Variants in HEMK2 observed in about 807,000 individuals in gnomAD.
HEMK2 encodes the protein HemK methyltransferase 2, ETF1 glutamine and histone H4 lysine.
chr21:28,629,976 T>C, the HEMK2 span, among the ~76,000 whole-genome samples: 1 of 152,118 alleles, frequency 6.6e-6, no homozygotes, highest in Non-Finnish European at 1.5e-5. Context: ...AAAGATTTTA[T>C]TAAAGTAACA....
the HEMK2 span, among the ~76,000 whole-genome samples, chr21:28,690,648 A>T: frequency 6.6e-6 from 1 of 152,038 alleles, no homozygotes; most frequent in Non-Finnish European, 1.5e-5. Flanking sequence ...CCCAACTCAA[A>T]TGCAGCCACC....
the HEMK2 span, chr21:28,885,184 C>T: frequency 2.6e-6 from 4 of 1,530,606 alleles, no homozygotes; most frequent in Admixed American, 7.6e-5. Flanking sequence ...GCAACCCTTT[C>T]CCGTCAGAGC....
the HEMK2 span, among the ~76,000 whole-genome samples, chr21:28,746,483 C>A: frequency 0.98 from 149,092 of 152,312 alleles, 72,991 homozygotes; most frequent in East Asian, 1. Context: ...TGCTCACGAC[C>A]ATGTGTGCAG....
chr21:28,864,808 A>AGATAGAT, the HEMK2 span, among the ~76,000 whole-genome samples: 1 of 103,092 alleles, frequency 9.7e-6, no homozygotes, highest in African/African-American at 3.5e-5. Context: ...CTCTCTCTGA[A>AGATAGAT]AGACAGACAG....
chr21:28,870,452 G>A, the HEMK2 span, among the ~76,000 whole-genome samples: 1 of 151,980 alleles, frequency 6.6e-6, no homozygotes, highest in African/African-American at 2.4e-5. Flanking sequence ...CCAGGCTGGA[G>A]GTGCAATGGC....
chr21:28,874,765 ATTTC>A, the HEMK2 span: 1 of 152,164 alleles, frequency 6.6e-6, no homozygotes, highest in Non-Finnish European at 1.5e-5. Context: ...TCATCTCCAA[ATTTC>A]TTTGTCACCA....
At chr21:28,856,752 G>A in the HEMK2 span, among the ~76,000 whole-genome samples, 1 of 152,176 alleles carries the variant, frequency 6.6e-6, no homozygotes, top group Non-Finnish European at 1.5e-5. Flanking sequence ...ACCCTGCCAA[G>A]GAAAGTGTAC....
the HEMK2 span, among the ~76,000 whole-genome samples, chr21:28,687,659 T>C: frequency 6.6e-6 from 1 of 152,146 alleles, no homozygotes; most frequent in Non-Finnish European, 1.5e-5. Flanking sequence ...ACTATAAACA[T>C]GTGATTGAGA....
the HEMK2 span, among the ~76,000 whole-genome samples, chr21:28,853,921 G>GT: frequency 6.6e-6 from 1 of 152,148 alleles, no homozygotes; most frequent in Non-Finnish European, 1.5e-5. Flanking sequence ...TAGACACCTG[G>GT]TGAGGTTGTA....
the HEMK2 span, among the ~76,000 whole-genome samples, chr21:28,803,719 C>A: frequency 1.3e-5 from 2 of 152,236 alleles, no homozygotes; most frequent in Non-Finnish European, 2.9e-5. Flanking sequence ...CCTTCACCCA[C>A]ATAGATTTTC....
At chr21:28,694,741 T>C in the HEMK2 span, among the ~76,000 whole-genome samples, 84,367 of 151,760 alleles carry the variant, frequency 0.56, 26,100 homozygotes, top group East Asian at 0.84. Flanking sequence ...CCTGTAATCC[T>C]AGCACTTTGG....
chr21:28,585,329 CTAAA>C, the HEMK2 span, among the ~76,000 whole-genome samples: 2,588 of 141,380 alleles, frequency 0.018, 38 homozygotes, highest in African/African-American at 0.04. Flanking sequence ...AAGACTCTGT[CTAAA>C]TAAATAAATA....
chr21:28,593,380 T>C, the HEMK2 span, among the ~76,000 whole-genome samples: 5,109 of 152,280 alleles, frequency 0.034, 126 homozygotes, highest in African/African-American at 0.063. Flanking sequence ...GCACTTCAGA[T>C]AAGATACTCA....
the HEMK2 span, among the ~76,000 whole-genome samples, chr21:28,588,784 C>G: frequency 3.3e-5 from 5 of 151,950 alleles, no homozygotes; most frequent in Non-Finnish European, 5.9e-5. Context: ...GAGATCGAGA[C>G]CATCCTGGCT....
At chr21:28,835,482 G>C in the HEMK2 span, among the ~76,000 whole-genome samples, 6 of 152,220 alleles carry the variant, frequency 3.9e-5, no homozygotes, top group Non-Finnish European at 5.9e-5. Context: ...GGGAGAACCT[G>C]AACAATAGCC....
the HEMK2 span, among the ~76,000 whole-genome samples, chr21:28,860,735 G>A: frequency 6.6e-6 from 1 of 152,106 alleles, no homozygotes; most frequent in Non-Finnish European, 1.5e-5. Context: ...GAAATCTGGA[G>A]AACAGCCATG....
the HEMK2 span, among the ~76,000 whole-genome samples, chr21:28,594,740 C>A: frequency 6.6e-6 from 1 of 152,156 alleles, no homozygotes; most frequent in African/African-American, 2.4e-5. Flanking sequence ...GTAGACAGCA[C>A]TTAGTTGTTT....
chr21:28,793,143 C>T, the HEMK2 span, among the ~76,000 whole-genome samples: 2 of 152,188 alleles, frequency 1.3e-5, no homozygotes, highest in African/African-American at 4.8e-5. Context: ...AGTATTTTAA[C>T]TGTGTTGTAC....
the HEMK2 span, among the ~76,000 whole-genome samples, chr21:28,646,655 A>G: frequency 6.6e-6 from 1 of 152,190 alleles, no homozygotes; most frequent in African/African-American, 2.4e-5. Flanking sequence ...TGGCAGCTGG[A>G]TTTGGAGATC....
Sources: allele counts gnomAD v4.1 joint callset (sites outside exome capture counted in the v4.1 genomes callset), GRCh38; gene constraint gnomAD v4.1.1; transcripts MANE v1.5; gene names NCBI Gene and HGNC (gene_info 2026-07-23, HGNC 2026-07-21).